MXI1: variants seen among roughly 807,000 people sequenced by gnomAD.
The protein encoded by MXI1 is max-interacting protein 1.
A neutral mutation model predicts 36.9 loss-of-function variants in MXI1; 18 were observed. The ratio of observed to expected loss-of-function variants is 0.49; its 90% CI spans 0.34 to 0.72. The LOEUF (loss-of-function observed/expected upper bound fraction) is 0.72, where lower values mean the gene tolerates loss of function less well. Among genes scored for constraint, MXI1 ranks in the 30% least tolerant of loss-of-function variants. MXI1 has a pLI of 0.01. For synonymous variants in MXI1, 160 were observed against 146.7 expected, an observed-to-expected ratio of 1.09 and a Z score of -0.65; for missense variants, 304 against 379.1, an observed-to-expected ratio of 0.80 and a Z score of 1.64.
At chr10:110,246,803 T>C (rs1465397281) in intron 3 of MXI1, among the ~76,000 whole-genome samples, 1 of 152,014 alleles carries the variant, frequency 6.6e-6, no homozygotes, top group Non-Finnish European at 1.5e-5. Flanking sequence ...TTAAAGAATC[T>C]TTTCTGCCTT....
chr10:110,240,476 C>A lies in MXI1; in HGVS notation c.408-4352C>A, dbSNP rs1855631888. 5.9e-5 allele frequency among the ~76,000 whole-genome samples: 9 copies of A among 152,040 alleles called. No homozygotes were observed. In the South Asian group the frequency reaches 1.9e-3, roughly 32 times the overall value. Reference sequence around the variant, plus strand: ...ATACATTTCTTATGAGGCATTTTTTCTAAAAGTTTATAGTATTCAAATTTT... The same window carrying A: ...ATACATTTCTTATGAGGCATTTTTTATAAAAGTTTATAGTATTCAAATTTT... On this transcript the variant is annotated intron_variant, in intron 2 of 5. Coordinates refer to ENST00000332674, the MANE Select transcript of MXI1 (RefSeq NM_130439.3).
chr10:110,218,791 C>T (rs1166240417), intron 1 of MXI1, among the ~76,000 whole-genome samples: 4 of 152,178 alleles, frequency 2.6e-5, no homozygotes, highest in African/African-American at 9.7e-5. Context: ...CCTGGAGGCG[C>T]CCGAGCTTGT....
At chr10:110,278,999 A>G (rs781401047) in intron 3 of MXI1, among the ~76,000 whole-genome samples, 181 bp from the exon 4 acceptor site, 8 of 152,320 alleles carry the variant, frequency 5.3e-5, no homozygotes, top group South Asian at 2.1e-4. Flanking sequence ...AAAGAGTACA[A>G]CAGAAATAGC....
chr10:110,247,585 A>G (rs984514032), intron 3 of MXI1, among the ~76,000 whole-genome samples: 3 of 152,178 alleles, frequency 2.0e-5, no homozygotes, highest in Non-Finnish European at 4.4e-5. Context: ...GAAGGGATCC[A>G]GTTTCAGCTT....
chr10:110,229,092 C>A (rs193033188), intron 2 of MXI1, among the ~76,000 whole-genome samples: 1 of 152,196 alleles, frequency 6.6e-6, no homozygotes, highest in Admixed American at 6.5e-5. Flanking sequence ...ATGTAGCTGA[C>A]TTCCATTTTT....
At chr10:110,272,401 A>T (rs893037652) in intron 3 of MXI1, among the ~76,000 whole-genome samples, 9 of 152,198 alleles carry the variant, frequency 5.9e-5, no homozygotes, top group Non-Finnish European at 1.3e-4. Context: ...ATTTTGCATT[A>T]TCTGTGTTTG....
At chr10:110,238,439 T>A (rs952041696) in intron 2 of MXI1, among the ~76,000 whole-genome samples, 1 of 152,226 alleles carries the variant, frequency 6.6e-6, no homozygotes, top group African/African-American at 2.4e-5. Context: ...TTTCTGTATA[T>A]TATTGGGTTC....
chr10:110,265,754 A>T (rs187937096), intron 3 of MXI1, among the ~76,000 whole-genome samples: 49 of 152,266 alleles, frequency 3.2e-4, no homozygotes, highest in Non-Finnish European at 6.3e-4. Flanking sequence ...AGTTGAGGTA[A>T]ACTCATAGCA....
At chr10:110,228,051 C>T in intron 1 of MXI1, 138 bp from the exon 2 acceptor site, 1 of 951,606 alleles carries the variant, frequency 1.1e-6, no homozygotes, top group South Asian at 1.6e-5. Flanking sequence ...CATTAATTTT[C>T]TAACCAAAAA....
At chr10:110,234,401 TG>T (rs747593039) in intron 2 of MXI1, among the ~76,000 whole-genome samples, 2 of 152,290 alleles carry the variant, frequency 1.3e-5, no homozygotes, top group South Asian at 2.1e-4. Flanking sequence ...TTTGTTAGAT[TG>T]TTTTTTTGTT....
intron 2 of MXI1, among the ~76,000 whole-genome samples, chr10:110,240,720 A>G (rs1238845076): frequency 6.6e-6 from 1 of 152,014 alleles, no homozygotes; most frequent in African/African-American, 2.4e-5. Flanking sequence ...TGTATGTGTA[A>G]GAATTGTAAG....
intron 4 of MXI1, 84 bp downstream of exon 4, chr10:110,279,378 C>A: frequency 8.7e-7 from 1 of 1,144,182 alleles, no homozygotes. Context: ...TATACATCAG[C>A]TAGTTCACCA....
intron 2 of MXI1, among the ~76,000 whole-genome samples, chr10:110,230,285 T>G (rs1855212618): frequency 6.6e-6 from 1 of 152,242 alleles, no homozygotes; most frequent in Non-Finnish European, 1.5e-5. Context: ...AAGTGATGTT[T>G]CTCTTTCATG....
chr10:110,226,053 C>A (rs1854955469), intron 1 of MXI1: 1 of 990,888 alleles, frequency 1.0e-6, no homozygotes. Flanking sequence ...GCGGCTGGGG[C>A]GGCAGGGGCG....
At chr10:110,208,416 C>A in intron 1 of MXI1, 1 of 154,682 alleles carries the variant, frequency 6.5e-6, no homozygotes, top group Non-Finnish European at 1.4e-5. Flanking sequence ...GGTCGCTTTT[C>A]TTCCTTTTTT....
At chr10:110,244,685 C>G in intron 2 of MXI1, 143 bp from the exon 3 acceptor site, 1 of 606,632 alleles carries the variant, frequency 1.6e-6, no homozygotes, top group African/African-American at 1.9e-5. Context: ...TATTTCCTCT[C>G]GATGAGTGAG....
rs537141298 is a variant in MXI1, at chr10:110,265,595, T to G, written c.438-13585T>G. Among the ~76,000 whole-genome samples the G allele has an allele frequency of 2.6e-5, 4 of 152,286 alleles. No individual in the cohort carries two copies. The South Asian group carries it at 8.3e-4, about 32-fold the overall frequency. ...CAACTGACAAGCACTTATTAGACAT[T>G]GTGTGCTAGGTAATGGGAATAGGAT... On this transcript the variant is annotated intron_variant, in intron 3 of 5. Coordinates refer to ENST00000332674, the MANE Select transcript of MXI1 (RefSeq NM_130439.3).
intron 5 of MXI1, 106 bp downstream of exon 5, chr10:110,280,191 A>T: frequency 2.2e-6 from 2 of 921,260 alleles, no homozygotes; most frequent in Non-Finnish European, 3.1e-6. Context: ...TAGCCAACAG[A>T]GTAACATTGT....
At chr10:110,247,748 G>C (rs150967290) in intron 3 of MXI1, among the ~76,000 whole-genome samples, 2,126 of 152,288 alleles carry the variant, frequency 0.014, 44 homozygotes, top group African/African-American at 0.049. Flanking sequence ...CTGTTGGTGG[G>C]ACTGTAAATT....
Sources: gnomAD v4.1 joint callset for allele counts (sites outside exome capture counted in the v4.1 genomes callset) on GRCh38, gnomAD v4.1.1 for gene constraint, MANE v1.5 for transcripts, NCBI Gene and HGNC (gene_info 2026-07-23, HGNC 2026-07-21) for gene names.